The following SPMIP5 variants were observed in gnomAD, a reference collection of about 807,000 sequenced individuals.
The protein encoded by SPMIP5 is sperm microtubule inner protein 5, also known as sperm-associated microtubule inner protein 5.
the SPMIP5 span, chr10:116,665,418 A>G: frequency 8.8e-6 from 5 of 569,484 alleles, no homozygotes; most frequent in Non-Finnish European, 1.5e-5. Flanking sequence ...AAAAAAAAAA[A>G]AAAGAAAAAG....
chr10:116,663,841 A>C, the SPMIP5 span: 2 of 1,458,706 alleles, frequency 1.4e-6, no homozygotes, highest in Non-Finnish European at 1.8e-6. Flanking sequence ...GCGTGATTCC[A>C]ACATGAGAAT....
the SPMIP5 span, chr10:116,665,945 CACT>C: frequency 1.2e-6 from 1 of 857,414 alleles, no homozygotes; most frequent in South Asian, 1.7e-5. Flanking sequence ...CAGCCAACAG[CACT>C]ACGTTTTTCC....
At chr10:116,668,529 C>T in the SPMIP5 span, among the ~76,000 whole-genome samples, 1 of 152,132 alleles carries the variant, frequency 6.6e-6, no homozygotes, top group Non-Finnish European at 1.5e-5. Context: ...GGGCCCATCA[C>T]CTTTTATGTT....
the SPMIP5 span, chr10:116,665,589 G>T: frequency 1.2e-6 from 2 of 1,604,338 alleles, no homozygotes; most frequent in Non-Finnish European, 1.7e-6. Context: ...GAGGGGAAAT[G>T]GTTTCAGGGC....
the SPMIP5 span, among the ~76,000 whole-genome samples, chr10:116,662,939 T>C: frequency 6.6e-6 from 1 of 151,994 alleles, no homozygotes; most frequent in Non-Finnish European, 1.5e-5. Flanking sequence ...TCCCAGCACT[T>C]TGGGAGGCCG....
chr10:116,668,673 C>T, the SPMIP5 span, among the ~76,000 whole-genome samples: 1 of 152,004 alleles, frequency 6.6e-6, no homozygotes, highest in Non-Finnish European at 1.5e-5. Context: ...GAATGCAAAG[C>T]TTCTGAGCAA....
the SPMIP5 span, among the ~76,000 whole-genome samples, chr10:116,663,181 CA>C: frequency 4.6e-3 from 444 of 96,864 alleles, 3 homozygotes; most frequent in South Asian, 0.042. Context: ...GATTCTGTCT[CA>C]AAAAAAAAAA....
chr10:116,664,165 TCTC>T, the SPMIP5 span: 1 of 1,614,034 alleles, frequency 6.2e-7, no homozygotes, highest in Non-Finnish European at 8.5e-7. Context: ...AAGAGACATT[TCTC>T]CTCACCTGGA....
the SPMIP5 span, among the ~76,000 whole-genome samples, chr10:116,668,073 G>A: frequency 6.6e-6 from 1 of 152,300 alleles, no homozygotes; most frequent in South Asian, 2.1e-4. Flanking sequence ...TCTAAGTTCT[G>A]CCCCTCAGAA....
At chr10:116,662,291 A>G in the SPMIP5 span, among the ~76,000 whole-genome samples, 4 of 152,340 alleles carry the variant, frequency 2.6e-5, no homozygotes, top group Admixed American at 2.6e-4. Context: ...AATAACCACC[A>G]TGATTACAGA....
the SPMIP5 span, chr10:116,665,889 G>T: frequency 7.1e-7 from 1 of 1,408,864 alleles, no homozygotes; most frequent in Non-Finnish European, 9.8e-7. Flanking sequence ...TTCAGAGCCC[G>T]CCTAAACTCC....
At chr10:116,669,310 G>T in the SPMIP5 span, among the ~76,000 whole-genome samples, 43 of 152,250 alleles carry the variant, frequency 2.8e-4, no homozygotes, top group Admixed American at 1.4e-3. Context: ...AGACAGTTCA[G>T]CCCCCGCCAG....
chr10:116,665,328 C>A, the SPMIP5 span: 1 of 383,614 alleles, frequency 2.6e-6, no homozygotes, highest in African/African-American at 2.1e-5. Context: ...TCGCTTGAAC[C>A]CAGGAGGCAG....
chr10:116,663,914 C>A, the SPMIP5 span: 1 of 1,536,456 alleles, frequency 6.5e-7, no homozygotes. Flanking sequence ...TTCTAGCCTT[C>A]TGCATACTTT....
chr10:116,669,157 A>G, the SPMIP5 span, among the ~76,000 whole-genome samples: 1 of 152,088 alleles, frequency 6.6e-6, no homozygotes, highest in Admixed American at 6.5e-5. Flanking sequence ...CATTCCCCCC[A>G]AGTGGGCTGA....
At chr10:116,664,950 G>A in the SPMIP5 span, 2 of 1,608,500 alleles carry the variant, frequency 1.2e-6, no homozygotes, top group South Asian at 2.2e-5. Flanking sequence ...TTTGCATTCT[G>A]TAAAAAGACA....
At chr10:116,665,000 G>T in the SPMIP5 span, 1 of 1,563,664 alleles carries the variant, frequency 6.4e-7, no homozygotes, top group South Asian at 1.2e-5. Flanking sequence ...GTTTTCCACT[G>T]ACCCAGAAGC....
chr10:116,665,582 G>A, the SPMIP5 span: 12 of 1,599,732 alleles, frequency 7.5e-6, no homozygotes, highest in Non-Finnish European at 8.5e-6. Context: ...CAGGGGTGAG[G>A]GGAAATGGTT....
At chr10:116,667,934 A>G in the SPMIP5 span, among the ~76,000 whole-genome samples, 1 of 152,178 alleles carries the variant, frequency 6.6e-6, no homozygotes, top group Non-Finnish European at 1.5e-5. Context: ...CAGGGCCTCT[A>G]CTTATTCATG....
Sources: allele counts gnomAD v4.1 joint callset (sites outside exome capture counted in the v4.1 genomes callset), GRCh38; gene constraint gnomAD v4.1.1; transcripts MANE v1.5; gene names NCBI Gene and HGNC (gene_info 2026-07-23, HGNC 2026-07-21).